TIAM2: variants seen among roughly 807,000 people sequenced by gnomAD.
The protein encoded by TIAM2 is rho guanine nucleotide exchange factor TIAM2.
Under a neutral mutation model 152.9 loss-of-function variants are expected in TIAM2, and 80 were observed. The observed-to-expected ratio is 0.52, with a 90% CI of 0.44 to 0.63. The LOEUF (loss-of-function observed/expected upper bound fraction) is 0.63. Ranked by LOEUF, TIAM2 falls within the 30% of genes least tolerant of loss-of-function variation. The pLI is 0.00. For synonymous variants in TIAM2, 804 were observed against 838.0 expected (o/e 0.96, Z 0.70); for missense variants, 1,965 against 2,120.1 (o/e 0.93, Z 1.44).
intron 9 of TIAM2, among the ~76,000 whole-genome samples, chr6:155,166,551 G>C (rs1323521840): frequency 1.3e-5 from 2 of 152,140 alleles, no homozygotes; most frequent in Non-Finnish European, 1.5e-5. Flanking sequence ...GTGAACTCCT[G>C]ACCTCAGGTG....
At chr6:155,036,822 TG>T (rs1231780448) in intron 1 of TIAM2, among the ~76,000 whole-genome samples, 5 of 151,628 alleles carry the variant, frequency 3.3e-5, no homozygotes, top group Non-Finnish European at 7.4e-5. Context: ...TTCTCCATGT[TG>T]GTTAGGCTGG....
chr6:155,247,517 C>T (rs1004852249), intron 19 of TIAM2, among the ~76,000 whole-genome samples: 5 of 151,978 alleles, frequency 3.3e-5, no homozygotes, highest in African/African-American at 4.8e-5. Context: ...TTAGTAGAGA[C>T]GGGTTTCACC....
At chr6:155,163,267 G>A (rs1780322849) in intron 7 of TIAM2, among the ~76,000 whole-genome samples, 1 of 152,202 alleles carries the variant, frequency 6.6e-6, no homozygotes, top group South Asian at 2.1e-4. Flanking sequence ...TCTCTTGAGT[G>A]TTGAGATTGC....
chr6:155,056,369 A>G (rs1777452981), intron 1 of TIAM2, among the ~76,000 whole-genome samples: 1 of 151,604 alleles, frequency 6.6e-6, no homozygotes, highest in Non-Finnish European at 1.5e-5. Flanking sequence ...ACGGGGTTTC[A>G]CCATGTTGGC....
intron 1 of TIAM2, among the ~76,000 whole-genome samples, chr6:155,047,132 T>C (rs1777192311): frequency 1.3e-5 from 2 of 152,178 alleles, no homozygotes; most frequent in South Asian, 4.1e-4. Flanking sequence ...CCCATACTCA[T>C]CCAGAAGGCA....
chr6:155,076,723 T>C (rs1303063998), intron 1 of TIAM2, among the ~76,000 whole-genome samples: 1 of 152,222 alleles, frequency 6.6e-6, no homozygotes, highest in Non-Finnish European at 1.5e-5. Flanking sequence ...AGTCTTGCTC[T>C]GATGCCTAGG....
chr6:155,099,964 G>T (rs2114991438), intron 2 of TIAM2, among the ~76,000 whole-genome samples: 1 of 152,328 alleles, frequency 6.6e-6, no homozygotes, highest in South Asian at 2.1e-4. Context: ...GGAAGTATTT[G>T]TGTATCTAAA....
At chr6:155,166,442 G>T (rs928413962) in intron 9 of TIAM2, among the ~76,000 whole-genome samples, 2 of 151,674 alleles carry the variant, frequency 1.3e-5, no homozygotes, top group African/African-American at 4.9e-5. Flanking sequence ...TCCTGCCTCA[G>T]CCTCCTGAGT....
In TIAM2 at chr6:155,249,886, A is replaced by G. The variant is rs746571048; in HGVS notation, c.3868A>G (p.Ile1290Val). 3 of 1,614,166 alleles carry G rather than the reference A, an allele frequency of 1.9e-6. No homozygotes were observed. Among genetic ancestry groups the G allele is most frequent in the Non-Finnish European group, 2.5e-6 (3 of 1,180,026 alleles). Reference protein sequence around the residue: ...LKAMEKVASHINEMQKIYEDY... With the variant: ...LKAMEKVASHVNEMQKIYEDY... The stretch of plus-strand genomic sequence containing the variant: ...GGCAATGGAGAAAGTAGCGAGCCAC[A>G]TCAATGAGATGCAGAAGATCTATGA... The change falls in exon 21 of 27, where the codon ATC becomes GTC. Residue 1290 changes from isoleucine (I) to valine (V), a missense_variant. Physicochemically the swap from Ile to Val is conservative, Grantham distance 29. Coordinates refer to ENST00000682666, the MANE Select transcript of TIAM2 (RefSeq NM_012454.4).
In TIAM2 at chr6:155,213,124, G is replaced by A. The variant is rs1156977271; in HGVS notation, c.3168+1817G>A. Among the ~76,000 whole-genome samples the A allele has an allele frequency of 6.6e-6, 1 of 152,178 alleles. No homozygotes were observed. Among genetic ancestry groups the A allele is most frequent in the African/African-American group, 2.4e-5 (1 of 41,448 alleles). On this transcript the variant is annotated intron_variant, in intron 15 of 26. Transcript: ENST00000682666. This position sits in a 1 kb window ranked among gnomAD's most constrained non-coding sequence, Gnocchi z 4.2. ...TGTCACCTGTAATGTGGCGAGCAAGGGGCGTGTTTTGGCCCTGTTTGTGTT... is the reference window on the plus strand; with the variant it reads ...TGTCACCTGTAATGTGGCGAGCAAGAGGCGTGTTTTGGCCCTGTTTGTGTT...
intron 9 of TIAM2, among the ~76,000 whole-genome samples, 158 bp from the exon 10 acceptor site, chr6:155,176,658 G>A (rs1237847068): frequency 6.6e-6 from 1 of 152,228 alleles, no homozygotes; most frequent in Admixed American, 6.5e-5. Flanking sequence ...AATGAGTGAG[G>A]AAACGTTGTC....
At chr6:155,106,048 A>G (rs1030466124) in intron 2 of TIAM2, among the ~76,000 whole-genome samples, 1 of 145,662 alleles carries the variant, frequency 6.9e-6, no homozygotes, top group Non-Finnish European at 1.5e-5. Context: ...TATGTATCCC[A>G]GGCTGGAGTG....
chr6:155,135,022 A>T (rs1054224126), intron 4 of TIAM2, among the ~76,000 whole-genome samples: 1 of 152,122 alleles, frequency 6.6e-6, no homozygotes, highest in Non-Finnish European at 1.5e-5. Flanking sequence ...TTTGAAAAGC[A>T]ACAAATTGAC....
intron 4 of TIAM2, among the ~76,000 whole-genome samples, chr6:155,133,797 C>A (rs1448562722): frequency 6.6e-6 from 1 of 151,778 alleles, no homozygotes; most frequent in African/African-American, 2.4e-5. Context: ...TGCAGTGGCG[C>A]CATGTCGGCT....
At chr6:155,182,162 T>G in intron 12 of TIAM2, 64 bp from the exon 13 acceptor site, 1 of 1,315,610 alleles carries the variant, frequency 7.6e-7, no homozygotes, top group Non-Finnish European at 1.1e-6. Context: ...ATACTGCCGG[T>G]GTGGTTGGAG....
At chr6:155,022,971 GCTT>G (rs1488816850) in intron 1 of TIAM2, among the ~76,000 whole-genome samples, 2 of 151,866 alleles carry the variant, frequency 1.3e-5, no homozygotes, top group African/African-American at 4.8e-5. Context: ...CTCCTTTCCG[GCTT>G]CTGTTTTTGT....
intron 1 of TIAM2, among the ~76,000 whole-genome samples, chr6:155,074,558 G>T (rs944771430): frequency 6.6e-5 from 10 of 152,084 alleles, no homozygotes; most frequent in African/African-American, 1.4e-4. Flanking sequence ...ACGTGGGCCA[G>T]GTGGGTCTCG....
chr6:155,097,823 T>C (rs1305403019), intron 2 of TIAM2, among the ~76,000 whole-genome samples: 1 of 152,198 alleles, frequency 6.6e-6, no homozygotes, highest in African/African-American at 2.4e-5. Context: ...CATTTTGACT[T>C]GATTTATTGT....
At chr6:155,089,217 T>G (rs1355204859) in intron 1 of TIAM2, among the ~76,000 whole-genome samples, 1 of 136,994 alleles carries the variant, frequency 7.3e-6, no homozygotes, top group Non-Finnish European at 1.6e-5. Context: ...CTGTTTTTTT[T>G]CGGGGGGGTG....
Sources: gnomAD v4.1 joint callset for allele counts (sites outside exome capture counted in the v4.1 genomes callset) on GRCh38, gnomAD v4.1.1 for gene constraint, Gnocchi (gnomAD v3.1) non-coding constraint, MANE v1.5 for transcripts, NCBI Gene and HGNC (gene_info 2026-07-23, HGNC 2026-07-21) for gene names.